ZIM2: variants seen among roughly 807,000 people sequenced by gnomAD.
ZIM2 encodes zinc finger protein 656.
In ZIM2, 14 loss-of-function variants were observed where a neutral mutation model predicts 38.6. The observed-to-expected ratio is 0.36, with a 90% CI of 0.24 to 0.57. ZIM2 has a LOEUF of 0.57. ZIM2 is among the 20% of genes least tolerant of loss of function. ZIM2 has a pLI of 0.81. For synonymous variants in ZIM2, 247 were observed against 245.8 expected, an observed-to-expected ratio of 1.00 and a Z score of -0.04; for missense variants, 680 against 695.1, an observed-to-expected ratio of 0.98 and a Z score of 0.24.
chr19:56,818,025 T>C (rs1051398144), intron 8 of ZIM2, among the ~76,000 whole-genome samples, 187 bp from the exon 9 acceptor site: 2 of 152,236 alleles, frequency 1.3e-5, no homozygotes, highest in Admixed American at 6.5e-5. Context: ...CTAATCTACA[T>C]GTAATTCTTC....
At chr19:56,816,436 C>T (rs1262623729) in intron 9 of ZIM2, 1 of 1,613,966 alleles carries the variant, frequency 6.2e-7, no homozygotes, top group South Asian at 1.1e-5. Context: ...AAGGGACTGA[C>T]CAGGAATAAA....
In ZIM2 at chr19:56,814,406, C is replaced by T; in HGVS notation, c.490+3340G>A. 6.2e-7 allele frequency: 1 copy of T among 1,613,786 alleles called. No homozygotes were observed. Among genetic ancestry groups the T allele is most frequent in the South Asian group, 1.1e-5 (1 of 91,080 alleles). ...TGAAGCTCCTTATGTTTAGTGAGGA[C>T]TGTGCTATGAATAAAGGACTTACCA... On this transcript the variant is annotated intron_variant, in intron 9 of 12. Transcript: ENST00000629319. This position sits in a 1 kb window ranked among gnomAD's most constrained non-coding sequence, Gnocchi z 5.8.
chr19:56,839,420 G>T (rs1021386256), intron 1 of ZIM2, among the ~76,000 whole-genome samples: 20 of 151,384 alleles, frequency 1.3e-4, no homozygotes, highest in Admixed American at 9.8e-4. Flanking sequence ...GCGTCCAAGC[G>T]GGCAGGGCCT....
In ZIM2 at chr19:56,782,058, C is replaced by T; in HGVS notation, c.634G>A (p.Val212Met). 1 of 1,614,050 alleles carries T rather than the reference C, an allele frequency of 6.2e-7. No individual in the cohort carries two copies. Among genetic ancestry groups the T allele is most frequent in the Non-Finnish European group, 8.5e-7 (1 of 1,179,906 alleles). Residue 212 changes from valine (V) to methionine (M), a missense_variant, in exon 11 of 13, where the codon GTG (valine) becomes ATG (methionine). Coordinates refer to ENST00000629319, the MANE Select transcript of ZIM2 (RefSeq NM_001387356.1). ...TCCTCTGGGCTGAAGTCCACAAGCA[C>T]ATCCTCGAAGGTCACCAACTCCTCA... is the stretch of plus-strand genomic sequence containing the variant. The part of the protein sequence containing the change: ...VFEELVTFED[V>M]LVDFSPEELS...
chr19:56,818,161 C>G (rs2060153431), intron 8 of ZIM2, among the ~76,000 whole-genome samples: 1 of 152,158 alleles, frequency 6.6e-6, no homozygotes, highest in Non-Finnish European at 1.5e-5. Flanking sequence ...TTCCTCTTAC[C>G]TCGCGACTGC....
chr19:56,808,177 G>A (rs1192507585), intron 9 of ZIM2, among the ~76,000 whole-genome samples: 1 of 152,148 alleles, frequency 6.6e-6, no homozygotes, highest in East Asian at 1.9e-4. Context: ...TGATCAGAAG[G>A]AATGGGGTCA....
intron 9 of ZIM2, chr19:56,811,021 A>AT (rs2059502957): frequency 1.0e-6 from 1 of 973,876 alleles, no homozygotes. Context: ...TGACACAGTT[A>AT]TAATCATAAA....
chr19:56,788,686 T>A (rs1457075162), intron 10 of ZIM2, among the ~76,000 whole-genome samples: 4 of 152,200 alleles, frequency 2.6e-5, no homozygotes, highest in African/African-American at 9.6e-5. Context: ...TGAATTTGCA[T>A]GTTGGCCTGT....
At chr19:56,799,882 C>T (rs1035687984) in intron 9 of ZIM2, among the ~76,000 whole-genome samples, 9 of 152,166 alleles carry the variant, frequency 5.9e-5, no homozygotes, top group South Asian at 2.1e-4. Context: ...CCTATACATG[C>T]GATAAAATGG....
chr19:56,836,085 G>T lies in ZIM2; in HGVS notation c.-294C>A, dbSNP rs761412756. ...CTCGCCAGTCGTCTCCAAGAAGGAC[G>T]GAAGATCAAGAAGGCAAAGCTGTAG... On this transcript the variant is annotated 5_prime_UTR_variant, in exon 2 of 13. Coordinates refer to ENST00000629319, the MANE Select transcript of ZIM2 (RefSeq NM_001387356.1). 6.1e-6 allele frequency: 3 copies of T among 495,328 alleles called. No homozygotes were observed. Among genetic ancestry groups the T allele is most frequent in the African/African-American group, 1.9e-5 (1 of 51,612 alleles). 30.7% of individuals were successfully genotyped at this position (495,328 alleles called of 1,614,324 possible). A position where few individuals can be genotyped will look rare whatever the true frequency, so the allele number is the denominator to read the frequency against.
chr19:56,815,367 A>G (rs1170134529), intron 9 of ZIM2: 2 of 1,614,054 alleles, frequency 1.2e-6, no homozygotes, highest in Admixed American at 1.7e-5. Flanking sequence ...CTTGCTCTTT[A>G]GCATACTGCT....
chr19:56,810,444 A>G (rs936292364), intron 9 of ZIM2: 2 of 984,100 alleles, frequency 2.0e-6, no homozygotes, highest in Non-Finnish European at 2.4e-6. Flanking sequence ...ATGCATACTT[A>G]TCACTAACAC....
At chr19:56,793,534 A>T (rs1317004533) in intron 9 of ZIM2, among the ~76,000 whole-genome samples, 1 of 152,250 alleles carries the variant, frequency 6.6e-6, no homozygotes, top group East Asian at 1.9e-4. Flanking sequence ...TTATGATTGG[A>T]CAGTGGAGTG....
At chr19:56,800,482 A>G (rs2047464127) in intron 9 of ZIM2, among the ~76,000 whole-genome samples, 2 of 152,214 alleles carry the variant, frequency 1.3e-5, no homozygotes, top group African/African-American at 4.8e-5. Flanking sequence ...TACTAAAAGT[A>G]AGAATTGCAA....
intron 9 of ZIM2, chr19:56,812,412 T>C: frequency 1.0e-6 from 1 of 981,604 alleles, no homozygotes; most frequent in South Asian, 4.8e-5. Context: ...GGGTTGACTG[T>C]AAAGAATTTT....
chr19:56,816,781 T>C (rs1197326704), intron 9 of ZIM2: 3 of 1,614,180 alleles, frequency 1.9e-6, no homozygotes, highest in Non-Finnish European at 2.5e-6. Flanking sequence ...ATATATTTTC[T>C]GAAGCTCACT....
In ZIM2 at chr19:56,789,874, G is replaced by A. The variant is rs370356216; in HGVS notation, c.568C>T (p.Gln190Ter). The change falls in exon 10 of 13, where the codon CAG (glutamine) becomes TAG (stop). Residue 190 changes from glutamine to a stop codon, truncating the protein, a stop_gained and splice_region_variant. Coordinates refer to ENST00000629319, the MANE Select transcript of ZIM2 (RefSeq NM_001387356.1). LOFTEE classifies it high-confidence loss of function. The part of the protein sequence containing the change: ...MLDNLPSAGS[Q>*]FPDFKHLGTF... ...TGTCAGAGGAAAGCCTGACTCACCTGGGACCCAGCAGATGGCAGATTGTCT... is the reference window on the plus strand; with the variant it reads ...TGTCAGAGGAAAGCCTGACTCACCTAGGACCCAGCAGATGGCAGATTGTCT... The A allele has an allele frequency of 6.4e-7, 1 of 1,572,290 alleles. No homozygotes were observed. Among genetic ancestry groups the A allele is most frequent in the Admixed American group, 1.7e-5 (1 of 58,976 alleles).
chr19:56,780,245 C>CTTTTTT (rs66492427), intron 11 of ZIM2, among the ~76,000 whole-genome samples: 1 of 129,360 alleles, frequency 7.7e-6, no homozygotes, highest in Non-Finnish European at 1.7e-5. Flanking sequence ...TTTCTTTTTT[C>CTTTTTT]TTTTTTTTTT....
At chr19:56,789,771 A>C in intron 10 of ZIM2, 101 bp downstream of exon 10, 1 of 1,036,368 alleles carries the variant, frequency 9.6e-7, no homozygotes, top group Non-Finnish European at 1.3e-6. Flanking sequence ...ATAAAAACTT[A>C]ATGGAAATGA....
Sources: allele counts gnomAD v4.1 joint callset (sites outside exome capture counted in the v4.1 genomes callset), GRCh38; gene constraint gnomAD v4.1.1; non-coding constraint Gnocchi (gnomAD v3.1); transcripts MANE v1.5; gene names NCBI Gene and HGNC (gene_info 2026-07-23, HGNC 2026-07-21).